Variants in KDM4C observed in about 807,000 individuals in gnomAD.
The protein encoded by KDM4C is lysine-specific demethylase 4C.
A neutral mutation model predicts 129.3 loss-of-function variants in KDM4C; 81 were observed. The ratio of observed to expected loss-of-function variants is 0.63; its 90% CI spans 0.52 to 0.75. The LOEUF (loss-of-function observed/expected upper bound fraction) is 0.75. KDM4C is among the 30% of genes least tolerant of loss of function. The pLI is 0.00. For missense variants in KDM4C, 1,457 were observed against 1,304.0 expected, an observed-to-expected ratio of 1.12 and a Z score of -1.81; for synonymous variants, 573 against 456.1, an observed-to-expected ratio of 1.26 and a Z score of -3.26.
At chr9:6,794,137 G>A (rs141135371) in intron 2 of KDM4C, among the ~76,000 whole-genome samples, 128 of 152,316 alleles carry the variant, frequency 8.4e-4, no homozygotes, top group African/African-American at 3.0e-3. Flanking sequence ...TTCAACAAAT[G>A]TGGAGATTGC....
At chr9:6,944,984 T>A (rs531376409) in intron 8 of KDM4C, among the ~76,000 whole-genome samples, 4 of 152,322 alleles carry the variant, frequency 2.6e-5, no homozygotes, top group Admixed American at 6.5e-5. Flanking sequence ...TATTTTTGCA[T>A]GTGTTTCAAT....
chr9:6,795,177 C>A (rs951491768), intron 2 of KDM4C, among the ~76,000 whole-genome samples: 2 of 152,130 alleles, frequency 1.3e-5, no homozygotes, highest in Non-Finnish European at 2.9e-5. Flanking sequence ...GCATGGAAAA[C>A]AGAAGATAGT....
At chr9:6,941,140 T>C (rs60392055) in intron 8 of KDM4C, among the ~76,000 whole-genome samples, 39,420 of 151,736 alleles carry the variant, frequency 0.26, 5,442 homozygotes, top group South Asian at 0.41. Flanking sequence ...AAGCGATTCT[T>C]GTGCCTCAGC....
chr9:6,799,871 A>G (rs1273423584), intron 2 of KDM4C, among the ~76,000 whole-genome samples: 1 of 151,998 alleles, frequency 6.6e-6, no homozygotes, highest in Admixed American at 6.6e-5. Context: ...ATTCATATTC[A>G]TATGAATGTA....
At chr9:6,724,060 A>G (rs574302897) in intron 1 of KDM4C, 1 of 152,232 alleles carries the variant, frequency 6.6e-6, no homozygotes, top group Non-Finnish European at 1.5e-5. Context: ...ACAGGATGCC[A>G]GAAGGAAGGG....
chr9:7,038,898 C>T (rs1182643543), intron 15 of KDM4C, among the ~76,000 whole-genome samples: 2 of 151,902 alleles, frequency 1.3e-5, no homozygotes, highest in Admixed American at 6.6e-5. Context: ...CAATGAAGAG[C>T]CATTGAACTT....
intron 12 of KDM4C, among the ~76,000 whole-genome samples, chr9:6,991,219 CA>C (rs1457067836): frequency 6.6e-6 from 1 of 152,002 alleles, no homozygotes; most frequent in East Asian, 1.9e-4. Context: ...GCTGGGACCA[CA>C]AGCATGCACC....
At chr9:6,919,172 G>A (rs377207869) in intron 8 of KDM4C, among the ~76,000 whole-genome samples, 7 of 151,700 alleles carry the variant, frequency 4.6e-5, no homozygotes, top group East Asian at 3.9e-4. Context: ...CATTGGGGTT[G>A]TTTTTTGCTT....
chr9:7,059,294 G>A (rs1233104939), intron 17 of KDM4C, among the ~76,000 whole-genome samples: 1 of 152,090 alleles, frequency 6.6e-6, no homozygotes, highest in Non-Finnish European at 1.5e-5. Context: ...GTAAAGATGA[G>A]GTCTGATTGT....
At chr9:7,021,214 C>T (rs1378463090) in intron 15 of KDM4C, among the ~76,000 whole-genome samples, 1 of 151,280 alleles carries the variant, frequency 6.6e-6, no homozygotes, top group Non-Finnish European at 1.5e-5. Context: ...TGCAGTGGCA[C>T]AATCTCGGCT....
intron 6 of KDM4C, among the ~76,000 whole-genome samples, chr9:6,882,231 G>T (rs867598393): frequency 6.6e-6 from 1 of 152,108 alleles, no homozygotes; most frequent in Non-Finnish European, 1.5e-5. Flanking sequence ...TGTTATATTC[G>T]TCTGTAATGC....
intron 8 of KDM4C, among the ~76,000 whole-genome samples, chr9:6,919,541 G>GTCTATCTA (rs1199904643): frequency 2.3e-3 from 138 of 60,530 alleles, no homozygotes; most frequent in Non-Finnish European, 4.4e-3. Context: ...CTGTCTGTCT[G>GTCTATCTA]TCTGTCTATC....
intron 8 of KDM4C, among the ~76,000 whole-genome samples, chr9:6,972,193 A>G (rs10758815): frequency 0.32 from 48,465 of 151,520 alleles, 8,731 homozygotes; most frequent in East Asian, 0.72. Context: ...TCTCTTACTC[A>G]CTCCATCTAT....
At chr9:6,757,672 G>T (rs1480854789), upstream of KDM4C, 1 of 985,518 alleles carries the variant, frequency 1.0e-6, no homozygotes, top group African/African-American at 1.7e-5. Flanking sequence ...CCAGGAGGAC[G>T]TGTGGCGCGT....
At chr9:6,780,551 C>T (rs1006051845) in intron 1 of KDM4C, among the ~76,000 whole-genome samples, 25 of 151,690 alleles carry the variant, frequency 1.6e-4, no homozygotes, top group African/African-American at 3.6e-4. Flanking sequence ...CAGATCTCTT[C>T]GAGCTCAAGA....
chr9:6,923,946 G>C (rs1218266112), intron 8 of KDM4C, among the ~76,000 whole-genome samples: 1 of 152,114 alleles, frequency 6.6e-6, no homozygotes, highest in Non-Finnish European at 1.5e-5. Context: ...CAGCCTTTCA[G>C]GTGGGGCATG....
chr9:7,133,604 C>G (rs1395523514), intron 19 of KDM4C, among the ~76,000 whole-genome samples: 5 of 152,148 alleles, frequency 3.3e-5, no homozygotes, highest in Non-Finnish European at 7.3e-5. Flanking sequence ...GCAGGTTAGT[C>G]CCCTTGTTCC....
chr9:6,980,773 G>T (rs1242317247), intron 8 of KDM4C, 152 bp from the exon 9 acceptor site: 4 of 610,220 alleles, frequency 6.6e-6, no homozygotes, highest in African/African-American at 3.8e-5. Context: ...GAAGAAATTG[G>T]GTTTATCACC....
At chr9:6,890,819 G>C (rs980120120) in intron 7 of KDM4C, among the ~76,000 whole-genome samples, 2 of 152,186 alleles carry the variant, frequency 1.3e-5, no homozygotes, top group African/African-American at 4.8e-5. Flanking sequence ...GAAGCACCTA[G>C]ATAATTAATT....
Sources: allele counts gnomAD v4.1 joint callset (sites outside exome capture counted in the v4.1 genomes callset), GRCh38; gene constraint gnomAD v4.1.1; transcripts MANE v1.5; gene names NCBI Gene and HGNC (gene_info 2026-07-23, HGNC 2026-07-21).